CTNNA3: variants seen among roughly 807,000 people sequenced by gnomAD.
The protein encoded by CTNNA3 is catenin alpha-3.
In CTNNA3, 76 loss-of-function variants were observed where a neutral mutation model predicts 95.7. The ratio of observed to expected loss-of-function variants is 0.79; its 90% confidence interval spans 0.66 to 0.96. The LOEUF (loss-of-function observed/expected upper bound fraction) is 0.96. Among genes scored for constraint, CTNNA3 ranks in the 40% least tolerant of loss-of-function variants. CTNNA3 has a pLI of 0.00. For synonymous variants in CTNNA3, 431 were observed against 374.4 expected, an observed-to-expected ratio of 1.15 and a Z score of -1.74; for missense variants, 1,191 against 1,089.8, an observed-to-expected ratio of 1.09 and a Z score of -1.31.
In CTNNA3 at chr10:66,230,196, T is replaced by C. The variant is rs372263647; in HGVS notation, c.1884+50274A>G. 2.6e-5 allele frequency among the ~76,000 whole-genome samples: 4 copies of C among 152,328 alleles called. No homozygotes were observed. In the South Asian group the frequency reaches 6.2e-4, roughly 24 times the overall value. The stretch of plus-strand genomic sequence containing the variant: ...TCACTGAGTTTACTTAAGATCATTA[T>C]TTTAAATTTGGGTCTGTTACTGGAG... On this transcript the variant is annotated intron_variant, in intron 13 of 17. Transcript: ENST00000433211.
chr10:66,996,402 T>C (rs1851340552), intron 7 of CTNNA3, among the ~76,000 whole-genome samples: 2 of 152,060 alleles, frequency 1.3e-5, no homozygotes, highest in South Asian at 4.1e-4. Context: ...TCCTAGCACT[T>C]TGGGAGGCCG....
At chr10:66,174,802 T>G (rs1487616069) in intron 13 of CTNNA3, among the ~76,000 whole-genome samples, 1 of 152,100 alleles carries the variant, frequency 6.6e-6, no homozygotes, top group Non-Finnish European at 1.5e-5. Context: ...CTTCATACAT[T>G]AAAAGGTATA....
intron 5 of CTNNA3, among the ~76,000 whole-genome samples, chr10:67,400,923 CT>C (rs2132806377): frequency 6.6e-6 from 1 of 152,254 alleles, no homozygotes; most frequent in South Asian, 2.1e-4. Flanking sequence ...AAAAACTTTG[CT>C]GTCATCCTCA....
intron 15 of CTNNA3, among the ~76,000 whole-genome samples, chr10:66,063,623 T>C (rs760003284): frequency 6.8e-4 from 103 of 152,040 alleles, no homozygotes; most frequent in Middle Eastern, 3.4e-3. Flanking sequence ...ACTAGTAAGC[T>C]TACTAAATCT....
intron 4 of CTNNA3, among the ~76,000 whole-genome samples, chr10:67,534,324 A>G (rs1379410991): frequency 6.6e-6 from 1 of 152,148 alleles, no homozygotes; most frequent in East Asian, 1.9e-4. Context: ...GGCACTACCT[A>G]TACTGAAGAA....
chr10:67,366,870 G>A, intron 5 of CTNNA3, among the ~76,000 whole-genome samples: 1 of 151,972 alleles, frequency 6.6e-6, no homozygotes, highest in East Asian at 1.9e-4. Context: ...ACTCAAGATG[G>A]ATTAAACTAT....
chr10:66,465,301 G>A (rs922610384), intron 11 of CTNNA3, among the ~76,000 whole-genome samples: 17 of 152,122 alleles, frequency 1.1e-4, no homozygotes, highest in Non-Finnish European at 4.4e-5. Flanking sequence ...TTAAAGGGAA[G>A]AAAATCTCTT....
At chr10:67,717,860 CA>C (rs1314814892) in intron 1 of CTNNA3, among the ~76,000 whole-genome samples, 1 of 152,112 alleles carries the variant, frequency 6.6e-6, no homozygotes, top group East Asian at 1.9e-4. Flanking sequence ...TGAAGAAAGT[CA>C]GTGGTAGCTT....
At chr10:66,106,582 T>A (rs1413006758) in intron 13 of CTNNA3, among the ~76,000 whole-genome samples, 1 of 152,084 alleles carries the variant, frequency 6.6e-6, no homozygotes, top group Non-Finnish European at 1.5e-5. Context: ...CAAAAGTTGT[T>A]GTGAGGCTCA....
chr10:67,556,606 T>C (rs1188982323), intron 3 of CTNNA3, among the ~76,000 whole-genome samples: 1 of 152,232 alleles, frequency 6.6e-6, no homozygotes, highest in Non-Finnish European at 1.5e-5. Flanking sequence ...TGATATCCCC[T>C]TTATCATTTT....
intron 7 of CTNNA3, among the ~76,000 whole-genome samples, chr10:67,034,447 T>G (rs1360992565): frequency 2.0e-5 from 3 of 152,198 alleles, no homozygotes; most frequent in Non-Finnish European, 4.4e-5. Context: ...TTATGATCTA[T>G]CACATCTTCT....
chr10:67,055,248 A>G (rs1855352111), intron 7 of CTNNA3, among the ~76,000 whole-genome samples: 1 of 152,150 alleles, frequency 6.6e-6, no homozygotes, highest in South Asian at 2.1e-4. Context: ...TATCCCTTCC[A>G]TAGGTGTCAC....
At chr10:67,172,059 G>T (rs1207970040) in intron 7 of CTNNA3, among the ~76,000 whole-genome samples, 1 of 152,084 alleles carries the variant, frequency 6.6e-6, no homozygotes, top group Non-Finnish European at 1.5e-5. Context: ...AACAACCTAT[G>T]TGATTCCTGC....
intron 10 of CTNNA3, among the ~76,000 whole-genome samples, chr10:66,563,342 A>C (rs1842609637): frequency 6.6e-6 from 1 of 152,126 alleles, no homozygotes; most frequent in South Asian, 2.1e-4. Context: ...ATTAAAAGTA[A>C]TTCTTTTTAT....
At chr10:67,307,479 TTTGTTTGG>T (rs1840604259) in intron 5 of CTNNA3, among the ~76,000 whole-genome samples, 1 of 152,068 alleles carries the variant, frequency 6.6e-6, no homozygotes, top group Admixed American at 6.6e-5. Flanking sequence ...TGTTTGTTTG[TTTGTTTGG>T]TTGGTTGGTT....
chr10:66,559,839 T>C (rs1025244669), intron 10 of CTNNA3, among the ~76,000 whole-genome samples: 2 of 152,082 alleles, frequency 1.3e-5, no homozygotes, highest in African/African-American at 4.8e-5. Flanking sequence ...CTTATAATAC[T>C]ACATAGTAAT....
intron 5 of CTNNA3, among the ~76,000 whole-genome samples, chr10:67,263,285 A>G (rs1866687827): frequency 6.6e-6 from 1 of 152,170 alleles, no homozygotes; most frequent in Non-Finnish European, 1.5e-5. Context: ...TTTCAGACCT[A>G]GTACTATTGT....
intron 9 of CTNNA3, among the ~76,000 whole-genome samples, chr10:66,669,852 A>G (rs896994484): frequency 6.6e-6 from 1 of 152,214 alleles, no homozygotes; most frequent in Non-Finnish European, 1.5e-5. Context: ...CTGCAATCTT[A>G]CAGCCCTGAG....
chr10:66,534,419 T>C (rs1034930263), intron 10 of CTNNA3, among the ~76,000 whole-genome samples: 1 of 151,072 alleles, frequency 6.6e-6, no homozygotes, highest in Non-Finnish European at 1.5e-5. Context: ...GATGCTACTA[T>C]TAAAAGAGAA....
Sources: gnomAD v4.1 joint callset for allele counts (sites outside exome capture counted in the v4.1 genomes callset) on GRCh38, gnomAD v4.1.1 for gene constraint, MANE v1.5 for transcripts, NCBI Gene and HGNC (gene_info 2026-07-23, HGNC 2026-07-21) for gene names.